ZNF577: variants seen among roughly 807,000 people sequenced by gnomAD.
ZNF577 encodes the protein zinc finger protein 577.
In ZNF577, 14 loss-of-function variants were observed where a neutral mutation model predicts 13.9. The ratio of observed to expected loss-of-function variants is 1.00; its 90% CI spans 0.66 to 1.57. The LOEUF is 1.57. Among genes scored for constraint, ZNF577 ranks in the 40% most tolerant of loss-of-function variants. The pLI is 0.00. For synonymous variants in ZNF577, 203 were observed against 202.9 expected, an observed-to-expected ratio of 1.00 and a Z score of 0.00; for missense variants, 555 against 579.2, an observed-to-expected ratio of 0.96 and a Z score of 0.43.
Position 51,872,512 on chromosome 19 carries a change from C to G in ZNF577, c.*20G>C, listed in dbSNP as rs1330287415. ...AGGATTCCTACTAAAGATTTTCCCA[C>G]CTTTCTGGTATCAGAAGATTTATTC... On this transcript the variant is annotated 3_prime_UTR_variant, in exon 6 of 6. Transcript: ENST00000638348. 2.6e-6 allele frequency: 4 copies of G among 1,516,034 alleles called. No individual in the cohort carries two copies. The highest frequency in any genetic ancestry group is 2.8e-5 in the African/African-American group (2 of 71,916). 93.9% of individuals were successfully genotyped at this position (1,516,034 alleles called of 1,614,324 possible). A position where few individuals can be genotyped will look rare whatever the true frequency, so the allele number is the denominator to read the frequency against.
chr19:51,826,721 T>C (rs2084233974), intron 9 of ZNF577, among the ~76,000 whole-genome samples: 1 of 152,208 alleles, frequency 6.6e-6, no homozygotes, highest in African/African-American at 2.4e-5. Flanking sequence ...CAAATCAGTT[T>C]CCCTCAAGGC....
intron 3 of ZNF577, among the ~76,000 whole-genome samples, chr19:51,879,598 T>A (rs67462252): frequency 6.6e-6 from 1 of 151,942 alleles, no homozygotes; most frequent in East Asian, 1.9e-4. Flanking sequence ...ATAATATTTA[T>A]AATTACATAT....
At chr19:51,811,962 C>T (rs2122449505) in intron 9 of ZNF577, among the ~76,000 whole-genome samples, 1 of 152,286 alleles carries the variant, frequency 6.6e-6, no homozygotes. Context: ...AATGTACTCA[C>T]TTTGCCCATA....
intron 9 of ZNF577, among the ~76,000 whole-genome samples, chr19:51,832,844 T>C (rs947332433): frequency 1.3e-5 from 2 of 152,180 alleles, no homozygotes; most frequent in African/African-American, 4.8e-5. Context: ...GTCAATATTG[T>C]GTGTGGATCT....
At chr19:51,860,175 A>C (rs1245864521) in intron 5 of ZNF577, 2 of 152,234 alleles carry the variant, frequency 1.3e-5, no homozygotes, top group Admixed American at 1.3e-4. Context: ...AAGATGCTTC[A>C]CAATTTAAGA....
At chr19:51,836,142 A>C (rs1209717521) in intron 9 of ZNF577, among the ~76,000 whole-genome samples, 1 of 152,244 alleles carries the variant, frequency 6.6e-6, no homozygotes, top group Non-Finnish European at 1.5e-5. Flanking sequence ...AACAATAATA[A>C]AAACCTTTGT....
In ZNF577 at chr19:51,805,499, G is replaced by T. The variant is rs546951312; in HGVS notation, c.*818-245C>A. Among the ~76,000 whole-genome samples, 3 of 152,270 alleles carry T rather than the reference G, an allele frequency of 2.0e-5. No individual in the cohort carries two copies. The South Asian group carries it at 6.2e-4, about 32-fold the overall frequency. On this transcript the variant is annotated intron_variant and NMD_transcript_variant, in intron 10 of 10. Transcript: ENST00000638827. ...CTCCTTGCAAATGGGCTTTCACAAG[G>T]TCCCACGGATACTCACTTTTGTTAT...
In ZNF577 at chr19:51,872,688, G is replaced by T; in HGVS notation, c.1302C>A (p.Gly434=). The T allele has an allele frequency of 1.2e-6, 2 of 1,614,100 alleles. No individual in the cohort carries two copies. Among genetic ancestry groups the T allele is most frequent in the Non-Finnish European group, 1.7e-6 (2 of 1,180,014 alleles). ...GTTGTTCCACAATCACTACATTTCT[G>T]CCCACTAGGCGCTCACTCTTGTTTA... ...PLLNKSERLV[G]RNVVIVEQPF... The change falls in exon 6 of 6, where the codon GGC becomes GGA. Residue 434 remains glycine, a synonymous_variant. Coordinates refer to ENST00000638348, the MANE Select transcript of ZNF577 (RefSeq NM_001370449.1).
chr19:51,876,719 A>C (rs1278741425), intron 5 of ZNF577, among the ~76,000 whole-genome samples: 2 of 152,050 alleles, frequency 1.3e-5, no homozygotes, highest in African/African-American at 2.4e-5. Flanking sequence ...TGAGGTCAGG[A>C]GTTTGAGACC....
In ZNF577 at chr19:51,868,290, C is replaced by G. The variant is rs1039650144; in HGVS notation, c.*4242G>C. On this transcript the variant is annotated 3_prime_UTR_variant, in exon 6 of 6. Transcript: ENST00000638348. ...GGCCAGTTCCGGACACTCCATAGGA[C>G]ACAGACACCTACACACCTAAAAAAG... 6.6e-6 allele frequency among the ~76,000 whole-genome samples: 1 copy of G among 150,596 alleles called. No individual in the cohort carries two copies. The highest frequency in any genetic ancestry group is 2.4e-5 in the African/African-American group (1 of 41,312).
At chr19:51,856,736 C>G (rs1042836825) in intron 5 of ZNF577, among the ~76,000 whole-genome samples, 1 of 151,990 alleles carries the variant, frequency 6.6e-6, no homozygotes, top group African/African-American at 2.4e-5. Flanking sequence ...GCTCGGGGAC[C>G]TTGAACATCA....
chr19:51,813,687 C>G (rs1464644426), intron 9 of ZNF577, among the ~76,000 whole-genome samples: 9 of 152,080 alleles, frequency 5.9e-5, no homozygotes, highest in Admixed American at 2.0e-4. Flanking sequence ...CCTGCCACCA[C>G]GCCCAGCTAA....
At chr19:51,831,365 C>T (rs2084260329) in intron 9 of ZNF577, among the ~76,000 whole-genome samples, 1 of 152,148 alleles carries the variant, frequency 6.6e-6, no homozygotes, top group South Asian at 2.1e-4. Context: ...GATCCACCTG[C>T]CTTGGCCTCC....
chr19:51,836,298 G>C (rs572263088), intron 9 of ZNF577, among the ~76,000 whole-genome samples: 1 of 152,268 alleles, frequency 6.6e-6, no homozygotes, highest in South Asian at 2.1e-4. Context: ...TTTATTGTCA[G>C]ACACTTCATT....
rs183191186 is a variant in ZNF577 at position 51,887,660 on chromosome 19, C to G, written c.-1058G>C. The G allele has an allele frequency of 5.9e-5, 9 of 152,178 alleles. No individual in the cohort carries two copies. Among genetic ancestry groups the G allele is most frequent in the African/African-American group, 2.2e-4 (9 of 41,428 alleles). The allele number at this position is 152,178 out of a possible 1,614,324, so 9.4% of individuals were successfully genotyped here. A position where few individuals can be genotyped will look rare whatever the true frequency, so the allele number is the denominator to read the frequency against. On this transcript the variant is annotated 5_prime_UTR_variant, in exon 1 of 6. Coordinates refer to ENST00000638348, the MANE Select transcript of ZNF577 (RefSeq NM_001370449.1). ...GACCTCCCAAGCACTGGTTCCAATG[C>G]GGAGACCATGGGCTCCCAGACTCTG...
chr19:51,807,145 C>T (rs2084064764), intron 10 of ZNF577, among the ~76,000 whole-genome samples: 2 of 152,126 alleles, frequency 1.3e-5, no homozygotes, highest in South Asian at 2.1e-4. Context: ...GGGCAGCTTG[C>T]CTCTAGTGGA....
At chr19:51,885,069 C>T (rs1436982393) in intron 1 of ZNF577, among the ~76,000 whole-genome samples, 2 of 152,094 alleles carry the variant, frequency 1.3e-5, no homozygotes, top group Non-Finnish European at 2.9e-5. Context: ...TATAAATGTC[C>T]TATGTGCATC....
At chr19:51,858,792 T>C (rs1019774711) in intron 5 of ZNF577, among the ~76,000 whole-genome samples, 2 of 152,202 alleles carry the variant, frequency 1.3e-5, no homozygotes, top group African/African-American at 2.4e-5. Flanking sequence ...AAGTCCATAT[T>C]TGAAGTGCCA....
At chr19:51,852,502 T>C (rs1195728057) in intron 5 of ZNF577, among the ~76,000 whole-genome samples, 1 of 152,192 alleles carries the variant, frequency 6.6e-6, no homozygotes. Context: ...TGTTGAAATC[T>C]TGTCCATTTT....
Sources: gnomAD v4.1 joint callset for allele counts (sites outside exome capture counted in the v4.1 genomes callset) on GRCh38, gnomAD v4.1.1 for gene constraint, MANE v1.5 for transcripts, NCBI Gene and HGNC (gene_info 2026-07-23, HGNC 2026-07-21) for gene names.